TDRD12: variants seen among roughly 807,000 people sequenced by gnomAD.
TDRD12 encodes the protein putative ATP-dependent RNA helicase TDRD12.
Under a neutral mutation model 133.5 loss-of-function variants are expected in TDRD12, and 158 were observed. The observed-to-expected ratio is 1.18, with a 90% CI of 1.04 to 1.35. TDRD12 has a LOEUF of 1.35. Ranked by LOEUF, TDRD12 falls within the 40% of genes most tolerant of loss-of-function variation. The pLI is 0.00. For synonymous variants in TDRD12, 460 were observed against 477.9 expected (o/e 0.96, Z 0.49); for missense variants, 1,443 against 1,321.3 (o/e 1.09, Z -1.43).
intron 27 of TDRD12, 162 bp from the exon 28 acceptor site, chr19:32,820,869 AAC>A (rs1445731312): frequency 1.7e-6 from 1 of 600,542 alleles, no homozygotes; most frequent in African/African-American, 1.9e-5. Flanking sequence ...TGTCGGAAGG[AAC>A]AGAGTTGATG....
At position 32,774,877 on chromosome 19, in the gene TDRD12, C is replaced by T. The variant is rs535127032; in HGVS notation, c.1040+1345C>T. Among the ~76,000 whole-genome samples the T allele has an allele frequency of 1.3e-4, 20 of 151,770 alleles. 1 individual carries two copies. The East Asian group carries it at 3.7e-3, about 28-fold the overall frequency. On this transcript the variant is annotated intron_variant, in intron 10 of 27. Transcript: ENST00000444215. The stretch of plus-strand genomic sequence containing the variant: ...GCAGGTGCCTGTAATCTCAGCTACT[C>T]GGGAGGCAGAGGCATGATAATTGCT...
intron 18 of TDRD12, 43 bp from the exon 19 acceptor site, chr19:32,801,713 T>A: frequency 1.4e-6 from 1 of 737,960 alleles, no homozygotes; most frequent in Non-Finnish European, 2.1e-6. Context: ...GCTTCCAGCC[T>A]ATATCCCTGA....
At chr19:32,810,005 G>A (rs1180725917) in intron 22 of TDRD12, 88 bp from the exon 23 acceptor site, 1 of 832,056 alleles carries the variant, frequency 1.2e-6, no homozygotes, top group Non-Finnish European at 1.7e-6. Flanking sequence ...CTTAGGTTGG[G>A]TACTGATTTC....
intron 1 of TDRD12, among the ~76,000 whole-genome samples, chr19:32,722,647 T>C (rs921551739): frequency 1.3e-5 from 2 of 151,790 alleles, no homozygotes; most frequent in Non-Finnish European, 2.9e-5. Flanking sequence ...AAGATTTTTT[T>C]CCCCCATGTA....
At chr19:32,777,448 A>G (rs1970614893) in intron 11 of TDRD12, among the ~76,000 whole-genome samples, 1 of 151,908 alleles carries the variant, frequency 6.6e-6, no homozygotes, top group South Asian at 2.1e-4. Context: ...GTAAGTAGTC[A>G]TTTTCTACCT....
At chr19:32,753,826 T>C (rs1419455288) in intron 6 of TDRD12, among the ~76,000 whole-genome samples, 4 of 151,962 alleles carry the variant, frequency 2.6e-5, no homozygotes, top group South Asian at 2.1e-4. Context: ...TGGCCCCTTA[T>C]TCTTAATGCC....
chr19:32,741,040 G>A (rs977124328), intron 3 of TDRD12, among the ~76,000 whole-genome samples: 9 of 152,178 alleles, frequency 5.9e-5, no homozygotes, highest in African/African-American at 1.9e-4. Flanking sequence ...TGAAGAAAGA[G>A]CAATACCAAA....
At chr19:32,755,375 A>G (rs1028991024) in intron 6 of TDRD12, among the ~76,000 whole-genome samples, 28 of 152,226 alleles carry the variant, frequency 1.8e-4, no homozygotes, top group African/African-American at 6.8e-4. Context: ...TAGTTCCTCC[A>G]TGTCACTTGT....
exon 10 of TDRD12, chr19:32,828,972 C>A (rs1967673434): frequency 6.6e-6 from 1 of 152,286 alleles, no homozygotes; most frequent in South Asian, 2.1e-4. Flanking sequence ...GGTATCAAAT[C>A]AGCCCATGAA....
At chr19:32,811,497 T>A in intron 24 of TDRD12, 77 bp downstream of exon 24, 3 of 1,334,254 alleles carry the variant, frequency 2.2e-6, no homozygotes, top group Non-Finnish European at 3.1e-6. Context: ...AATTGAGGCC[T>A]GTCTGGATTT....
intron 3 of TDRD12, among the ~76,000 whole-genome samples, chr19:32,741,953 CTTA>C (rs2145480077): frequency 6.6e-6 from 1 of 152,216 alleles, no homozygotes; most frequent in African/African-American, 2.4e-5. Context: ...AATTGCCAAA[CTTA>C]TTATTTAAAA....
At chr19:32,809,219 C>T (rs980278979) in intron 22 of TDRD12, among the ~76,000 whole-genome samples, 3 of 152,162 alleles carry the variant, frequency 2.0e-5, no homozygotes, top group African/African-American at 7.2e-5. Context: ...TTCCTTCATC[C>T]CTCCTGTCCC....
At chr19:32,794,563 A>G (rs1199482271) in intron 13 of TDRD12, 65 bp from the exon 14 acceptor site, 4 of 675,958 alleles carry the variant, frequency 5.9e-6, no homozygotes, top group African/African-American at 3.6e-5. Flanking sequence ...GAAATGAGCC[A>G]TGCAATGGAG....
intron 11 of TDRD12, among the ~76,000 whole-genome samples, chr19:32,789,549 A>C (rs1971008105): frequency 6.6e-6 from 1 of 152,116 alleles, no homozygotes; most frequent in East Asian, 1.9e-4. Flanking sequence ...CGCTGGTTTC[A>C]CTGCACAGTG....
At chr19:32,720,166 C>A in intron 1 of TDRD12, 70 bp downstream of exon 1, 2 of 1,422,132 alleles carry the variant, frequency 1.4e-6, no homozygotes, top group Non-Finnish European at 1.9e-6. Flanking sequence ...CCGCGCACAG[C>A]CTCCCACCCC....
rs116709287 is a variant in TDRD12, at chr19:32,768,051, G to T, written c.866-4702G>T. ...AATAAAGTTTTACTGAACATAGCTG[G>T]ACTCATTTTCTTACATATTGTATAC... is the stretch of plus-strand genomic sequence containing the variant. On this transcript the variant is annotated intron_variant, in intron 8 of 27. Coordinates refer to ENST00000444215, the Ensembl canonical transcript of TDRD12. 2.1e-3 allele frequency among the ~76,000 whole-genome samples: 315 copies of T among 152,280 alleles called. 2 individuals are homozygous for T. The highest frequency in any genetic ancestry group is 7.3e-3 in the African/African-American group (305 of 41,562).
chr19:32,827,498 G>C lies in TDRD12; in HGVS notation c.*332G>C, dbSNP rs1393524958. The C allele has an allele frequency of 4.0e-5, 9 of 224,300 alleles. No homozygotes were observed. The East Asian group carries it at 7.8e-4, about 19-fold the overall frequency. 13.9% of individuals were successfully genotyped at this position (224,300 alleles called of 1,614,324 possible). A position where few individuals can be genotyped will look rare whatever the true frequency, so the allele number is the denominator to read the frequency against. On this transcript the variant is annotated 3_prime_UTR_variant, in exon 10 of 10. Coordinates refer to the TDRD12 transcript ENST00000637289. ...AGGCTCAAGCAATTCTCCTGCCTCA[G>C]CCTCCCGAGTAGCTGGGATTACAGG...
At position 32,820,261 on chromosome 19, in the gene TDRD12, C is replaced by T. The variant is rs1358556741; in HGVS notation, c.3384-772C>T. Among the ~76,000 whole-genome samples the T allele has an allele frequency of 3.9e-5, 6 of 152,138 alleles. No homozygotes were observed. In the East Asian group the frequency reaches 1.2e-3, roughly 29 times the overall value. On this transcript the variant is annotated intron_variant, in intron 27 of 27. Coordinates refer to ENST00000444215, the Ensembl canonical transcript of TDRD12. ...TGTCAGAAGACAGCACACCCCTCCT[C>T]CTCGTGTGTGTGTGTTTGCTCATTT...
At chr19:32,775,533 A>G (rs1208406318) in intron 10 of TDRD12, among the ~76,000 whole-genome samples, 3 of 152,118 alleles carry the variant, frequency 2.0e-5, no homozygotes, top group Non-Finnish European at 2.9e-5. Context: ...AAGTCTCGCT[A>G]TGTTGCCCTG....
Sources: allele counts gnomAD v4.1 joint callset (sites outside exome capture counted in the v4.1 genomes callset), GRCh38; gene constraint gnomAD v4.1.1; transcripts MANE v1.5; gene names NCBI Gene and HGNC (gene_info 2026-07-23, HGNC 2026-07-21).